NEDD9: variants seen among roughly 807,000 people sequenced by gnomAD.
The protein encoded by NEDD9 is enhancer of filamentation 1.
Under a neutral mutation model 76.6 loss-of-function variants are expected in NEDD9, and 26 were observed. That is an observed-to-expected ratio of 0.34 (90% CI 0.25 to 0.47). The LOEUF (loss-of-function observed/expected upper bound fraction) is 0.47, where lower values mean the gene tolerates loss of function less well. NEDD9 is among the 20% of genes least tolerant of loss of function. The pLI, the probability that NEDD9 is intolerant of heterozygous loss-of-function variation, is 1.00. For synonymous variants in NEDD9, 392 were observed against 414.2 expected, an observed-to-expected ratio of 0.95 and a Z score of 0.65; for missense variants, 937 against 1,058.5, an observed-to-expected ratio of 0.89 and a Z score of 1.59.
At chr6:11,373,062 C>T (rs1338243200) in intron 1 of NEDD9, among the ~76,000 whole-genome samples, 2 of 152,028 alleles carry the variant, frequency 1.3e-5, no homozygotes, top group Admixed American at 6.5e-5. Context: ...AAGAAACAGA[C>T]ATCATCAAGC....
At chr6:11,365,210 A>C (rs1013891581) in intron 1 of NEDD9, among the ~76,000 whole-genome samples, 6 of 152,198 alleles carry the variant, frequency 3.9e-5, no homozygotes, top group African/African-American at 1.4e-4. Context: ...GTTCTAGTTA[A>C]TGCAGAAACA....
At chr6:11,233,240 G>C (rs760093915), upstream of NEDD9, 4 of 518,834 alleles carry the variant, frequency 7.7e-6, no homozygotes, top group South Asian at 5.6e-5. Context: ...AACGTTCAAA[G>C]TACTTTGCGA....
At chr6:11,324,816 C>G (rs1417500868) in intron 2 of NEDD9, among the ~76,000 whole-genome samples, 1 of 152,168 alleles carries the variant, frequency 6.6e-6, no homozygotes, top group Middle Eastern at 3.2e-3. Context: ...CCTGAGAGGC[C>G]ACACTTTCCA....
At chr6:11,188,587 G>A (rs1758041203) in intron 5 of NEDD9, among the ~76,000 whole-genome samples, 1 of 152,050 alleles carries the variant, frequency 6.6e-6, no homozygotes, top group Non-Finnish European at 1.5e-5. Context: ...ATAGTCTCTG[G>A]GTTCTTTTCT....
At chr6:11,223,386 A>G (rs1412471540) in intron 1 of NEDD9, among the ~76,000 whole-genome samples, 1 of 152,194 alleles carries the variant, frequency 6.6e-6, no homozygotes, top group Non-Finnish European at 1.5e-5. Flanking sequence ...AAGAGTCTCT[A>G]TAAAATCAAA....
At chr6:11,279,091 G>A (rs555418970) in intron 3 of NEDD9, among the ~76,000 whole-genome samples, 15 of 152,246 alleles carry the variant, frequency 9.9e-5, no homozygotes, top group African/African-American at 2.9e-4. Flanking sequence ...TTGAAGTAAA[G>A]GCAATAGATA....
chr6:11,355,820 A>G (rs549730580), intron 1 of NEDD9, among the ~76,000 whole-genome samples: 1,863 of 151,924 alleles, frequency 0.012, 38 homozygotes, highest in African/African-American at 0.043. Context: ...TCCTGTGTTC[A>G]CACCATTCTC....
At chr6:11,304,785 C>A (rs963681639) in intron 3 of NEDD9, among the ~76,000 whole-genome samples, 7 of 152,086 alleles carry the variant, frequency 4.6e-5, no homozygotes, top group African/African-American at 1.7e-4. Flanking sequence ...GGTGGGGAAC[C>A]TCACACACCG....
chr6:11,215,321 C>T (rs546225697), intron 1 of NEDD9, among the ~76,000 whole-genome samples: 5 of 152,186 alleles, frequency 3.3e-5, no homozygotes, highest in Non-Finnish European at 7.4e-5. Flanking sequence ...GAGAGGTGAG[C>T]GGCCAGGGAA....
In NEDD9 at chr6:11,190,966, G is replaced by A. The variant is rs1758126850; in HGVS notation, c.903C>T (p.His301=). ...ARRHQSLSPN[H]PPPQLGQSVG... The stretch of plus-strand genomic sequence containing the variant: ...CTGACTGTCCGAGTTGCGGGGGTGG[G>A]TGATTCGGGGACAGGCTCTGGTGCC... Residue 301 remains histidine (H), a synonymous_variant, in exon 5 of 7, where the codon CAC becomes CAT. Transcript: ENST00000379446. This position sits in a 1 kb window ranked among gnomAD's most constrained non-coding sequence, Gnocchi z 5.8. 6.2e-7 allele frequency: 1 copy of A among 1,614,078 alleles called. No individual in the cohort carries two copies. Among genetic ancestry groups the A allele is most frequent in the Non-Finnish European group, 8.5e-7 (1 of 1,180,012 alleles).
At chr6:11,310,970 G>T (rs563122151) in intron 2 of NEDD9, among the ~76,000 whole-genome samples, 1 of 152,192 alleles carries the variant, frequency 6.6e-6, no homozygotes, top group South Asian at 2.1e-4. Flanking sequence ...ATGCCCAAGT[G>T]AATCCCTCCA....
intron 3 of NEDD9, among the ~76,000 whole-genome samples, chr6:11,265,118 G>A (rs919370667): frequency 1.4e-4 from 22 of 152,340 alleles, no homozygotes; most frequent in African/African-American, 5.1e-4. Flanking sequence ...TTTTTAATCT[G>A]TTAATTCAAG....
upstream of NEDD9, chr6:11,232,706 C>T (rs1243018523): frequency 2.1e-6 from 3 of 1,439,014 alleles, no homozygotes; most frequent in East Asian, 2.5e-5. Context: ...TGATCGCGGA[C>T]CTCATTTGCA....
chr6:11,377,964 C>T (rs149549232), intron 1 of NEDD9, among the ~76,000 whole-genome samples: 113 of 152,226 alleles, frequency 7.4e-4, no homozygotes, highest in African/African-American at 2.5e-3. Flanking sequence ...TTGTTTAGGC[C>T]AGGCGCAGTG....
rs143890812 is a variant in NEDD9, at chr6:11,325,912, G to T, written c.-153+8589C>A. ...TGTAATCCCAGCACTTTGGGAGGCC[G>T]AGGCGGGCGGATCACCTGAGGCCAG... is the stretch of plus-strand genomic sequence containing the variant. On this transcript the variant is annotated intron_variant, in intron 2 of 3. Coordinates refer to the NEDD9 transcript ENST00000397378. 1.8e-3 allele frequency among the ~76,000 whole-genome samples: 279 copies of T among 152,242 alleles called. 3 individuals carry two copies. The East Asian group carries it at 0.042, about 23-fold the overall frequency.
intron 2 of NEDD9, among the ~76,000 whole-genome samples, chr6:11,325,248 G>A (rs1007809114): frequency 1.3e-5 from 2 of 151,952 alleles, no homozygotes; most frequent in Non-Finnish European, 2.9e-5. Context: ...CCAGCTACTC[G>A]GGAGGCTGAA....
intron 1 of NEDD9, among the ~76,000 whole-genome samples, chr6:11,369,936 A>G (rs1240166741): frequency 6.6e-6 from 1 of 152,232 alleles, no homozygotes; most frequent in East Asian, 1.9e-4. Context: ...AAAGAAAGAA[A>G]TCTCTGCTAG....
intron 3 of NEDD9, among the ~76,000 whole-genome samples, chr6:11,270,048 G>C (rs1760271972): frequency 6.6e-6 from 1 of 152,202 alleles, no homozygotes; most frequent in Non-Finnish European, 1.5e-5. Context: ...AGAATTGCTT[G>C]AACCCAGGAG....
intron 1 of NEDD9, among the ~76,000 whole-genome samples, chr6:11,351,346 G>A (rs1334843946): frequency 6.6e-6 from 1 of 152,188 alleles, no homozygotes; most frequent in African/African-American, 2.4e-5. Flanking sequence ...ACAGTAGGAT[G>A]GACCAGTTCA....
Sources: gnomAD v4.1 joint callset for allele counts (sites outside exome capture counted in the v4.1 genomes callset) on GRCh38, gnomAD v4.1.1 for gene constraint, Gnocchi (gnomAD v3.1) non-coding constraint, MANE v1.5 for transcripts, NCBI Gene and HGNC (gene_info 2026-07-23, HGNC 2026-07-21) for gene names.